SSBP3: variants seen among roughly 807,000 people sequenced by gnomAD.
SSBP3 encodes single stranded DNA binding protein 3.
In SSBP3, 5 loss-of-function variants were observed where a neutral mutation model predicts 69.6. That is an observed-to-expected ratio of 0.07 (90% confidence interval 0.04 to 0.15). The LOEUF is 0.15. Ranked by LOEUF, SSBP3 falls within the 10% of genes least tolerant of loss-of-function variation. SSBP3 has a pLI of 1.00. For missense variants in SSBP3, 312 were observed against 534.0 expected (o/e 0.58, Z 4.10); for synonymous variants, 196 against 193.4 (o/e 1.01, Z -0.11).
At chr1:54,345,784 T>C (rs911115649) in intron 4 of SSBP3, among the ~76,000 whole-genome samples, 8 of 151,872 alleles carry the variant, frequency 5.3e-5, no homozygotes, top group South Asian at 4.2e-4. Flanking sequence ...GGCGGGCAGA[T>C]TGCCTGAGCT....
At chr1:54,394,716 T>TC (rs1648737970) in intron 4 of SSBP3, among the ~76,000 whole-genome samples, 1 of 146,018 alleles carries the variant, frequency 6.8e-6, no homozygotes, top group Non-Finnish European at 1.5e-5. Context: ...TTTTTTTTTT[T>TC]TTTTGAGACG....
chr1:54,284,085 T>C (rs917638505), intron 4 of SSBP3, among the ~76,000 whole-genome samples: 1 of 151,688 alleles, frequency 6.6e-6, no homozygotes, highest in Non-Finnish European at 1.5e-5. Context: ...ATTCTTCTTA[T>C]GTACCATTAT....
chr1:54,302,677 T>C (rs1645824191), intron 4 of SSBP3, among the ~76,000 whole-genome samples: 1 of 152,222 alleles, frequency 6.6e-6, no homozygotes, highest in South Asian at 2.1e-4. Context: ...AATAAACATT[T>C]GTTGAGCAAA....
chr1:54,307,807 A>AGTTACCC (rs1645927507), intron 4 of SSBP3, among the ~76,000 whole-genome samples: 1 of 135,302 alleles, frequency 7.4e-6, no homozygotes, highest in South Asian at 2.8e-4. Context: ...AACGTCAGCA[A>AGTTACCC]GTTACCCTAT....
chr1:54,227,171 G>C lies in SSBP3; in HGVS notation c.1138-11C>G. ...CATGCTTGGAGAATACTGGAAAGGA[G>C]AAGCAGAGAAGGGGGGGGGGTGAGG... On this transcript the variant is annotated splice_polypyrimidine_tract_variant and intron_variant, in intron 17 of 17. Transcript: ENST00000610401. 1 of 740,382 alleles carries C rather than the reference G, an allele frequency of 1.4e-6. No homozygotes were observed. The highest frequency in any genetic ancestry group is 2.1e-6 in the Non-Finnish European group (1 of 480,392). 45.9% of individuals were successfully genotyped at this position (740,382 alleles called of 1,614,324 possible).
At chr1:54,325,984 C>A (rs1234865523) in intron 4 of SSBP3, among the ~76,000 whole-genome samples, 4 of 150,056 alleles carry the variant, frequency 2.7e-5, no homozygotes, top group Non-Finnish European at 5.9e-5. Flanking sequence ...CAGCCTGTCA[C>A]ACCTTCATGT....
intron 5 of SSBP3, among the ~76,000 whole-genome samples, chr1:54,270,355 G>A (rs985062697): frequency 7.2e-5 from 11 of 152,216 alleles, no homozygotes; most frequent in Admixed American, 2.6e-4. Context: ...TCCCAGCCTC[G>A]ACCTCCCCCG....
chr1:54,394,695 CTTT>C (rs544898836), intron 4 of SSBP3, among the ~76,000 whole-genome samples: 4 of 97,130 alleles, frequency 4.1e-5, no homozygotes, highest in Admixed American at 2.5e-4. Context: ...CTTAAGACTC[CTTT>C]TTTTTTTTTT....
At chr1:54,349,424 A>C (rs1646745474) in intron 4 of SSBP3, among the ~76,000 whole-genome samples, 1 of 152,260 alleles carries the variant, frequency 6.6e-6, no homozygotes, top group African/African-American at 2.4e-5. Flanking sequence ...AGAAATATCA[A>C]AACTGCATGA....
At chr1:54,407,178 G>A (rs1649840079), upstream of SSBP3, among the ~76,000 whole-genome samples, 1 of 152,066 alleles carries the variant, frequency 6.6e-6, no homozygotes, top group African/African-American at 2.4e-5. Context: ...TGGGGACAGG[G>A]GACTTGAATT....
chr1:54,376,232 G>C (rs1301247707), intron 4 of SSBP3, among the ~76,000 whole-genome samples: 1 of 152,030 alleles, frequency 6.6e-6, no homozygotes, highest in African/African-American at 2.4e-5. Context: ...CCTCTAAGAG[G>C]TATAGTGGCC....
intron 5 of SSBP3, among the ~76,000 whole-genome samples, chr1:54,271,936 A>AT (rs1225163264): frequency 6.6e-6 from 1 of 151,706 alleles, no homozygotes; most frequent in Non-Finnish European, 1.5e-5. Flanking sequence ...TGCCTGGCTA[A>AT]TTTTTCTATT....
upstream of SSBP3, among the ~76,000 whole-genome samples, chr1:54,407,319 G>A (rs1029008959): frequency 1.3e-5 from 2 of 152,220 alleles, no homozygotes; most frequent in Admixed American, 1.3e-4. Flanking sequence ...CCGCGACGCG[G>A]AATGCTCGCC....
At chr1:54,330,426 C>T (rs187204514) in intron 4 of SSBP3, among the ~76,000 whole-genome samples, 108 of 152,282 alleles carry the variant, frequency 7.1e-4, no homozygotes, top group African/African-American at 2.5e-3. Flanking sequence ...GCCATCCATT[C>T]CCATTTTATT....
chr1:54,404,703 G>A (rs1023094171), intron 2 of SSBP3, 66 bp from the exon 3 acceptor site: 5 of 1,578,078 alleles, frequency 3.2e-6, no homozygotes, highest in Admixed American at 1.7e-5. Context: ...GCTTCCCAGA[G>A]CCAAAAGGCT....
intron 14 of SSBP3, 93 bp from the exon 15 acceptor site, chr1:54,228,919 C>T: frequency 1.5e-6 from 2 of 1,307,102 alleles, no homozygotes; most frequent in East Asian, 5.0e-5. Context: ...TGAGTCCTGG[C>T]CCTGGGGAAC....
intron 9 of SSBP3, among the ~76,000 whole-genome samples, chr1:54,248,117 T>C (rs1644764938): frequency 6.6e-6 from 1 of 152,244 alleles, no homozygotes; most frequent in African/African-American, 2.4e-5. Flanking sequence ...GTACCTATTC[T>C]TTGTTCAGAA....
At chr1:54,273,777 A>G (rs1323026320) in intron 5 of SSBP3, among the ~76,000 whole-genome samples, 3 of 152,220 alleles carry the variant, frequency 2.0e-5, no homozygotes, top group African/African-American at 7.2e-5. Flanking sequence ...CTGGTATCCC[A>G]GAGTGTCCCA....
chr1:54,344,550 C>T (rs1298669996), intron 4 of SSBP3, among the ~76,000 whole-genome samples: 1 of 152,174 alleles, frequency 6.6e-6, no homozygotes, highest in Non-Finnish European at 1.5e-5. Context: ...TCTGCTTCCC[C>T]GTGATGACTG....
Sources: allele counts gnomAD v4.1 joint callset (sites outside exome capture counted in the v4.1 genomes callset), GRCh38; gene constraint gnomAD v4.1.1; transcripts MANE v1.5; gene names NCBI Gene and HGNC (gene_info 2026-07-23, HGNC 2026-07-21).